CYP2U1: variants seen among roughly 807,000 people sequenced by gnomAD.
CYP2U1 encodes cytochrome P450 2U1.
CYP2U1 carries 28 observed loss-of-function variants against 42.8 expected under a neutral mutation model. The ratio of observed to expected loss-of-function variants is 0.65; its 90% confidence interval spans 0.48 to 0.90. The LOEUF is 0.90. Ranked by LOEUF, CYP2U1 falls within the 40% of genes least tolerant of loss-of-function variation. The pLI, the probability that CYP2U1 is intolerant of heterozygous loss-of-function variation, is 0.00. For missense variants in CYP2U1, 642 were observed against 693.8 expected (o/e 0.93, Z 0.84); for synonymous variants, 296 against 278.9 (o/e 1.06, Z -0.61).
chr4:107,944,485 A>G (rs957715047), intron 1 of CYP2U1, among the ~76,000 whole-genome samples: 1 of 135,074 alleles, frequency 7.4e-6, no homozygotes, highest in African/African-American at 2.7e-5. Context: ...TTTTTTTTTT[A>G]AATAGAGATG....
At position 107,931,765 on chromosome 4, in the gene CYP2U1, G is replaced by C. The variant is rs1378151264; in HGVS notation, c.122G>C (p.Gly41Ala). 6.8e-7 allele frequency: 1 copy of C among 1,478,226 alleles called. No individual in the cohort carries two copies. The highest frequency in any genetic ancestry group is 8.9e-7 in the Non-Finnish European group (1 of 1,121,704). 91.6% of individuals were successfully genotyped at this position (1,478,226 alleles called of 1,614,324 possible). A position where few individuals can be genotyped will look rare whatever the true frequency, so the allele number is the denominator to read the frequency against. Reference protein sequence around the residue: ...DPSGGALLLCGLVALLGWSWL... With the variant: ...DPSGGALLLCALVALLGWSWL... ...AGCGGGGGCGCGCTGCTGCTATGCG[G>C]CCTCGTAGCGCTGCTGGGCTGGAGC... The change falls in exon 1 of 5, where the codon GGC (glycine) becomes GCC (alanine). Residue 41 changes from glycine to alanine, a missense_variant. Gly to Ala is a moderately conservative substitution (Grantham distance 60, BLOSUM62 0). Coordinates refer to ENST00000332884, the MANE Select transcript of CYP2U1 (RefSeq NM_183075.3).
intron 1 of CYP2U1, among the ~76,000 whole-genome samples, chr4:107,932,907 C>T (rs776870217): frequency 6.6e-6 from 1 of 152,190 alleles, no homozygotes; most frequent in Non-Finnish European, 1.5e-5. Context: ...AGCACTTTTC[C>T]TTCACTACAC....
In CYP2U1 at chr4:107,949,506, C is replaced by A; in HGVS notation, c.1445C>A (p.Pro482His). The A allele has an allele frequency of 6.4e-7, 1 of 1,570,842 alleles. No homozygotes were observed. The highest frequency in any genetic ancestry group is 8.6e-7 in the Non-Finnish European group (1 of 1,157,626). Residue 482 changes from proline (P) to histidine (H), a missense_variant, in exon 4 of 5, where the codon CCT (proline) becomes CAT (histidine). Transcript: ENST00000332884. ...CTAATTAAAAAAGAAACCTTTATTC[C>A]TTTTGGGATAGGTCAGTTACACTTT... ...GQLIKKETFI[P>H]FGIGKRVCMG...
At chr4:107,932,214 C>G in intron 1 of CYP2U1, 81 bp downstream of exon 1, 1 of 1,481,390 alleles carries the variant, frequency 6.8e-7, no homozygotes, top group Non-Finnish European at 8.9e-7. Flanking sequence ...GTTCCTGTGC[C>G]CCTTCCGGCC....
chr4:107,939,864 G>A (rs1733417756), intron 1 of CYP2U1, among the ~76,000 whole-genome samples: 1 of 152,026 alleles, frequency 6.6e-6, no homozygotes, highest in Non-Finnish European at 1.5e-5. Flanking sequence ...AAGAGATATG[G>A]CCTGGCAAAA....
rs1357578897 is a variant in CYP2U1 at position 107,945,581 on chromosome 4, A to G, written c.1102A>G (p.Met368Val). 1 of 1,592,890 alleles carries G rather than the reference A, an allele frequency of 6.3e-7. No individual in the cohort carries two copies. Among genetic ancestry groups the G allele is most frequent in the African/African-American group, 1.3e-5 (1 of 74,230 alleles). The change falls in exon 2 of 5, where the codon ATG (methionine) becomes GTG (valine). Residue 368 changes from methionine (M) to valine (V), a missense_variant. Physicochemically the swap from Met to Val is conservative, Grantham distance 21. Coordinates refer to ENST00000332884, the MANE Select transcript of CYP2U1 (RefSeq NM_183075.3). ...TNSLLWCLLY[M>V]SLNPDVQEKV... ...CTCTTTGCTCTGGTGCCTGCTGTAT[A>G]TGTCGCTGAACCCCGATGTACAAGG...
At chr4:107,941,524 C>CT (rs1431674414) in intron 1 of CYP2U1, among the ~76,000 whole-genome samples, 1 of 151,822 alleles carries the variant, frequency 6.6e-6, no homozygotes, top group Non-Finnish European at 1.5e-5. Context: ...TGGCCACATA[C>CT]TAGGGTAAAA....
intron 1 of CYP2U1, among the ~76,000 whole-genome samples, chr4:107,932,692 G>A (rs9995856): frequency 0.17 from 25,787 of 152,110 alleles, 2,403 homozygotes; most frequent in Non-Finnish European, 0.21. Context: ...GTTGGAAAAC[G>A]TGTTATCTGC....
At chr4:107,932,920 T>C (rs1364618324) in intron 1 of CYP2U1, among the ~76,000 whole-genome samples, 1 of 152,224 alleles carries the variant, frequency 6.6e-6, no homozygotes, top group African/African-American at 2.4e-5. Context: ...CACTACACTT[T>C]TCAAAACTGA....
In CYP2U1 at chr4:107,949,383, T is replaced by C. The variant is rs1221749501; in HGVS notation, c.1322T>C (p.Leu441Ser). The change falls in exon 4 of 5, where the codon TTG (leucine) becomes TCG (serine). Residue 441 changes from leucine to serine, a missense_variant. Leu to Ser is a moderately radical substitution (Grantham distance 145). Coordinates refer to ENST00000332884, the MANE Select transcript of CYP2U1 (RefSeq NM_183075.3). Reference protein sequence around the residue: ...LQGYTIPKGTLILPNLWSVHR... With the variant: ...LQGYTIPKGTSILPNLWSVHR... ...GGGTATACCATTCCTAAAGGCACAT[T>C]GATCTTACCCAACCTGTGGTCAGTA... The C allele has an allele frequency of 6.3e-7, 1 of 1,590,484 alleles. No individual in the cohort carries two copies. Among genetic ancestry groups the C allele is most frequent in the East Asian group, 2.3e-5 (1 of 44,330 alleles).
chr4:107,949,426 T>C lies in CYP2U1; in HGVS notation c.1365T>C (p.Ile455=), dbSNP rs773404481. 5 of 1,611,948 alleles carry C rather than the reference T, an allele frequency of 3.1e-6. No individual in the cohort carries two copies. The highest frequency in any genetic ancestry group is 4.2e-6 in the Non-Finnish European group (5 of 1,178,828). ...GGTCAGTACATAGAGACCCAGCCAT[T>C]TGGGAGAAACCGGAGGATTTCTACC... ...NLWSVHRDPA[I]WEKPEDFYPN... is the part of the protein sequence containing the mutation. Residue 455 remains isoleucine (I), a synonymous_variant, in exon 4 of 5, where the codon ATT becomes ATC. Transcript: ENST00000332884.
rs61746386 is a variant in CYP2U1 at position 107,945,293 on chromosome 4, A to G, written c.814A>G (p.Ile272Val). 6.8e-6 allele frequency: 11 copies of G among 1,614,142 alleles called. No homozygotes were observed. Among genetic ancestry groups the G allele is most frequent in the South Asian group, 1.1e-5 (1 of 91,084 alleles). ...CLNSQVLLVNICPWLYYLPFG... is the reference protein window; with the variant it reads ...CLNSQVLLVNVCPWLYYLPFG... ...GAACAGTCAAGTCCTCCTGGTCAAC[A>G]TATGCCCTTGGCTTTATTACCTTCC... Residue 272 changes from isoleucine to valine, a missense_variant, in exon 2 of 5, where the codon ATA becomes GTA. Transcript: ENST00000332884.
intron 1 of CYP2U1, among the ~76,000 whole-genome samples, chr4:107,933,139 C>T (rs1022595596): frequency 1.3e-5 from 2 of 152,124 alleles, no homozygotes; most frequent in Admixed American, 1.3e-4. Context: ...GGATTTTAAA[C>T]GGAAAAGACA....
intron 1 of CYP2U1, chr4:107,938,839 A>T (rs1420912962): frequency 1.3e-5 from 2 of 152,156 alleles, no homozygotes; most frequent in African/African-American, 2.4e-5. Flanking sequence ...GATAAATAGG[A>T]CAAAGCAGAG....
At chr4:107,948,589 A>ATCATC (rs1560703261) in intron 3 of CYP2U1, among the ~76,000 whole-genome samples, 3 of 148,626 alleles carry the variant, frequency 2.0e-5, no homozygotes, top group African/African-American at 7.7e-5. Flanking sequence ...TAATAATAAT[A>ATCATC]ATAATCATCA....
chr4:107,949,497 C>T lies in CYP2U1; in HGVS notation c.1436C>T (p.Thr479Ile). 1 of 1,583,996 alleles carries T rather than the reference C, an allele frequency of 6.3e-7. No homozygotes were observed. The highest frequency in any genetic ancestry group is 8.6e-7 in the Non-Finnish European group (1 of 1,165,014). The change falls in exon 4 of 5, where the codon ACC becomes ATC. Residue 479 changes from threonine (T) to isoleucine (I), a missense_variant. Thr to Ile is a moderately conservative substitution (Grantham distance 89). Transcript: ENST00000332884. ...DDQGQLIKKE[T>I]FIPFGIGKRV... ...CAAGGACAACTAATTAAAAAAGAAA[C>T]CTTTATTCCTTTTGGGATAGGTCAG...
At position 107,931,715 on chromosome 4, in the gene CYP2U1, T is replaced by A; in HGVS notation, c.72T>A (p.Pro24=). The change falls in exon 1 of 5, where the codon CCT becomes CCA. Residue 24 remains proline, a synonymous_variant. Transcript: ENST00000332884. ...PPWPARLLRA[P]LGLLRLDPSG... is the part of the protein sequence containing the mutation. ...GGCCCGCGCGCCTCCTGCGTGCGCC[T>A]CTGGGGCTGCTGCGGCTGGACCCCA... 7.2e-7 allele frequency: 1 copy of A among 1,390,400 alleles called. No individual in the cohort carries two copies. Among genetic ancestry groups the A allele is most frequent in the South Asian group, 1.6e-5 (1 of 60,886 alleles). 86.1% of individuals were successfully genotyped at this position (1,390,400 alleles called of 1,614,324 possible).
chr4:107,952,525 A>C lies in CYP2U1; in HGVS notation c.*2102A>C, dbSNP rs1290386091. The C allele has an allele frequency of 6.6e-6, 1 of 152,268 alleles. No homozygotes were observed. The highest frequency in any genetic ancestry group is 1.5e-5 in the Non-Finnish European group (1 of 68,060). 9.4% of individuals were successfully genotyped at this position (152,268 alleles called of 1,614,324 possible). On this transcript the variant is annotated 3_prime_UTR_variant, in exon 5 of 5. Coordinates refer to ENST00000332884, the MANE Select transcript of CYP2U1 (RefSeq NM_183075.3). ...AAACGAAAGATGAAATTCTGAACTT[A>C]AAACACTTCTGTTTGGCCTTCTATA... is the stretch of plus-strand genomic sequence containing the variant.
Position 107,932,109 on chromosome 4 carries a change from A to C in CYP2U1, c.466A>C (p.Ile156Leu). 6.2e-7 allele frequency: 1 copy of C among 1,602,922 alleles called. No individual in the cohort carries two copies. Reference protein sequence around the residue: ...VFSDRPRVPLISIVTKEKGVV... With the variant: ...VFSDRPRVPLLSIVTKEKGVV... ...CAGCGACCGCCCGCGGGTGCCGCTCATCTCCATCGTGACCAAGGAGAAGGG... is the reference window on the plus strand; with the variant it reads ...CAGCGACCGCCCGCGGGTGCCGCTCCTCTCCATCGTGACCAAGGAGAAGGG... Residue 156 changes from isoleucine to leucine, a missense_variant, in exon 1 of 5, where the codon ATC becomes CTC. Coordinates refer to ENST00000332884, the MANE Select transcript of CYP2U1 (RefSeq NM_183075.3).
Sources: allele counts gnomAD v4.1 joint callset (sites outside exome capture counted in the v4.1 genomes callset), GRCh38; gene constraint gnomAD v4.1.1; transcripts MANE v1.5; gene names NCBI Gene and HGNC (gene_info 2026-07-23, HGNC 2026-07-21).